NLGN1: variants seen among roughly 807,000 people sequenced by gnomAD.
NLGN1 encodes the protein neuroligin 1.
In NLGN1, 12 loss-of-function variants were observed where a neutral mutation model predicts 65.5. The observed-to-expected ratio is 0.18, with a 90% confidence interval of 0.12 to 0.30. The LOEUF (loss-of-function observed/expected upper bound fraction) is 0.30, where lower values mean the gene tolerates loss of function less well. Among genes scored for constraint, NLGN1 ranks in the 10% least tolerant of loss-of-function variants. The pLI, the probability that NLGN1 is intolerant of heterozygous loss-of-function variation, is 1.00. For missense variants in NLGN1, 750 were observed against 1,007.1 expected, an observed-to-expected ratio of 0.74 and a Z score of 3.46; for synonymous variants, 350 against 359.5, an observed-to-expected ratio of 0.97 and a Z score of 0.30.
chr3:173,884,882 C>T (rs922509690), intron 4 of NLGN1, among the ~76,000 whole-genome samples: 2 of 152,054 alleles, frequency 1.3e-5, no homozygotes, highest in Non-Finnish European at 1.5e-5. Flanking sequence ...CAAGATAGCC[C>T]CTTGTTGAGA....
intron 4 of NLGN1, among the ~76,000 whole-genome samples, chr3:174,138,532 T>G (rs1287199873): frequency 6.6e-6 from 1 of 151,660 alleles, no homozygotes; most frequent in Non-Finnish European, 1.5e-5. Context: ...CCTCCCAGGT[T>G]CACGCCATTC....
At chr3:173,466,410 T>G (rs1724368549) in intron 2 of NLGN1, among the ~76,000 whole-genome samples, 1 of 152,124 alleles carries the variant, frequency 6.6e-6, no homozygotes, top group South Asian at 2.1e-4. Flanking sequence ...AGTTCCTAGT[T>G]GTAAATATTC....
chr3:173,789,462 G>C (rs1285628564), intron 3 of NLGN1, among the ~76,000 whole-genome samples: 1 of 152,114 alleles, frequency 6.6e-6, no homozygotes, highest in Non-Finnish European at 1.5e-5. Flanking sequence ...CATCATATTT[G>C]ATCCTACCAC....
intron 3 of NLGN1, among the ~76,000 whole-genome samples, chr3:173,756,814 C>T (rs1433712141): frequency 6.7e-6 from 1 of 149,210 alleles, no homozygotes; most frequent in Non-Finnish European, 1.5e-5. Context: ...AAAACAAAAA[C>T]CTACGGTAGA....
At chr3:173,984,968 G>A (rs1719574826) in intron 4 of NLGN1, among the ~76,000 whole-genome samples, 1 of 152,210 alleles carries the variant, frequency 6.6e-6, no homozygotes. Context: ...CTTTAACCCA[G>A]GAGGTGGAGG....
At chr3:174,234,453 C>T (rs140488872) in intron 4 of NLGN1, among the ~76,000 whole-genome samples, 3 of 152,274 alleles carry the variant, frequency 2.0e-5, no homozygotes, top group East Asian at 1.9e-4. Flanking sequence ...TCACTTGAGG[C>T]GTTCTTTCCT....
intron 4 of NLGN1, among the ~76,000 whole-genome samples, chr3:174,033,002 C>A (rs1266025308): frequency 1.4e-5 from 2 of 141,224 alleles, no homozygotes; most frequent in African/African-American, 5.5e-5. Context: ...ATAGATCTAT[C>A]TATATATATA....
chr3:174,129,092 C>T (rs189703685), intron 4 of NLGN1, among the ~76,000 whole-genome samples: 32 of 152,028 alleles, frequency 2.1e-4, no homozygotes, highest in African/African-American at 4.6e-4. Flanking sequence ...GATAAGAGCC[C>T]TAACACAAGC....
At chr3:173,746,800 T>C (rs557101310) in intron 3 of NLGN1, among the ~76,000 whole-genome samples, 17 of 152,096 alleles carry the variant, frequency 1.1e-4, no homozygotes, top group Admixed American at 5.9e-4. Flanking sequence ...CTCAGCACTT[T>C]GGGAGGCTGA....
chr3:174,162,293 T>C (rs1577161977), intron 4 of NLGN1, among the ~76,000 whole-genome samples: 1 of 152,058 alleles, frequency 6.6e-6, no homozygotes, highest in Non-Finnish European at 1.5e-5. Flanking sequence ...CTCTTACTAA[T>C]ATGAAATGGT....
intron 3 of NLGN1, among the ~76,000 whole-genome samples, chr3:173,788,231 A>G (rs1711728928): frequency 6.6e-6 from 1 of 151,070 alleles, no homozygotes; most frequent in South Asian, 2.1e-4. Context: ...AAAAAAAGAA[A>G]AAGTTTATTT....
At chr3:173,807,222 A>G (rs1460170093) in intron 3 of NLGN1, among the ~76,000 whole-genome samples, 1 of 152,278 alleles carries the variant, frequency 6.6e-6, no homozygotes, top group South Asian at 2.1e-4. Flanking sequence ...ATTTGACACA[A>G]AGTTTTACAG....
At chr3:173,733,813 CTG>C (rs1773263394) in intron 3 of NLGN1, among the ~76,000 whole-genome samples, 1 of 152,026 alleles carries the variant, frequency 6.6e-6, no homozygotes, top group Non-Finnish European at 1.5e-5. Context: ...GGGAGGAACA[CTG>C]TTTGTGTAAA....
At chr3:173,568,531 G>A (rs991312437) in intron 2 of NLGN1, among the ~76,000 whole-genome samples, 1 of 152,086 alleles carries the variant, frequency 6.6e-6, no homozygotes, top group Non-Finnish European at 1.5e-5. Context: ...CACTGTGCCC[G>A]GCCTCAATAG....
At chr3:173,398,583 A>G (rs1056678057) in intron 1 of NLGN1, 3 of 152,214 alleles carry the variant, frequency 2.0e-5, no homozygotes, top group Admixed American at 6.5e-5. Flanking sequence ...TTAGTGTGTT[A>G]TAGAGATGAG....
chr3:174,045,000 T>A (rs1394651425), intron 4 of NLGN1, among the ~76,000 whole-genome samples: 1 of 152,094 alleles, frequency 6.6e-6, no homozygotes, highest in African/African-American at 2.4e-5. Flanking sequence ...CAGGCAGAAT[T>A]GTGAGTCAAT....
At chr3:173,770,509 C>A (rs1157157141) in intron 3 of NLGN1, among the ~76,000 whole-genome samples, 1 of 152,164 alleles carries the variant, frequency 6.6e-6, no homozygotes, top group Non-Finnish European at 1.5e-5. Flanking sequence ...TATTTTGCTT[C>A]TCTCCTGGTA....
chr3:174,261,729 G>C (rs1746955477), intron 4 of NLGN1, among the ~76,000 whole-genome samples: 1 of 142,100 alleles, frequency 7.0e-6, no homozygotes, highest in Non-Finnish European at 1.5e-5. Context: ...TATTGAATAG[G>C]AGTGGTGAGA....
intron 4 of NLGN1, among the ~76,000 whole-genome samples, chr3:174,229,731 C>T (rs1053478384): frequency 6.6e-6 from 1 of 152,126 alleles, no homozygotes; most frequent in Non-Finnish European, 1.5e-5. Flanking sequence ...AGCAAGAGGA[C>T]ATAACAAAAT....
Sources: gnomAD v4.1 joint callset for allele counts (sites outside exome capture counted in the v4.1 genomes callset) on GRCh38, gnomAD v4.1.1 for gene constraint, MANE v1.5 for transcripts, NCBI Gene and HGNC (gene_info 2026-07-23, HGNC 2026-07-21) for gene names.